The following ZNF804B variants were observed in gnomAD, a reference collection of about 807,000 sequenced individuals.
ZNF804B encodes the protein zinc finger protein 804B, also known as zinc finger 804B.
Under a neutral mutation model 101.4 loss-of-function variants are expected in ZNF804B, and 80 were observed. That is an observed-to-expected ratio of 0.79 (90% confidence interval 0.66 to 0.95). The LOEUF is 0.95. ZNF804B is among the 40% of genes least tolerant of loss of function. The probability of loss-of-function intolerance (pLI) is 0.00; values close to 1 mark genes in which losing one functional copy is unlikely to be tolerated. For synonymous variants in ZNF804B, 622 were observed against 558.8 expected (o/e 1.11, Z -1.59); for missense variants, 1,673 against 1,561.9 (o/e 1.07, Z -1.20).
At chr7:88,812,242 T>C (rs1408591895) in intron 1 of ZNF804B, among the ~76,000 whole-genome samples, 1 of 152,168 alleles carries the variant, frequency 6.6e-6, no homozygotes, top group East Asian at 1.9e-4. Context: ...CTTTATCCAG[T>C]CCAAAAGTCA....
At position 88,970,344 on chromosome 7, in the gene ZNF804B, GCCC is replaced by G. The variant is rs3034350; in HGVS notation, c.108+210268_108+210270del. Among the ~76,000 whole-genome samples the G allele has an allele frequency of 9.0e-5, 13 of 144,178 alleles. No individual in the cohort carries two copies. In the South Asian group the frequency reaches 1.1e-3, roughly 12 times the overall value. 94.6% of individuals were successfully genotyped at this position (144,178 alleles called of 152,430 possible). A position where few individuals can be genotyped will look rare whatever the true frequency, so the allele number is the denominator to read the frequency against. ...ACATGCATTAGCTATTTATTCTGAT[GCCC>G]CCCCCCCACCCCCACAACCCTCTAC... On this transcript the variant is annotated intron_variant, in intron 1 of 3. Coordinates refer to ENST00000333190, the MANE Select transcript of ZNF804B (RefSeq NM_181646.5).
chr7:89,214,562 A>G lies in ZNF804B; in HGVS notation c.109-3593A>G, dbSNP rs78162533. ...TACCTTCAGGCCTATTTTTTCAGTA[A>G]AAGTATCCTGTCATTCAACAAAAAG... On this transcript the variant is annotated intron_variant, in intron 1 of 3. Transcript: ENST00000333190. 8.1e-3 allele frequency among the ~76,000 whole-genome samples: 1,226 copies of G among 152,250 alleles called. 11 individuals carry two copies. The highest frequency in any genetic ancestry group is 0.027 in the African/African-American group (1,136 of 41,560).
intron 2 of ZNF804B, among the ~76,000 whole-genome samples, chr7:89,280,229 TACCA>T: frequency 6.6e-6 from 1 of 151,880 alleles, no homozygotes; most frequent in African/African-American, 2.4e-5. Flanking sequence ...AGACACAACA[TACCA>T]GAATCTCTGG....
chr7:88,874,228 A>C (rs1791886511), intron 1 of ZNF804B, among the ~76,000 whole-genome samples: 2 of 152,186 alleles, frequency 1.3e-5, no homozygotes, highest in South Asian at 4.1e-4. Context: ...TTCTCTTTGA[A>C]GCAATTGTGA....
rs560309438 is a variant in ZNF804B at position 89,051,564 on chromosome 7, C to T, written c.109-166591C>T. On this transcript the variant is annotated intron_variant, in intron 1 of 3. Transcript: ENST00000333190. Reference sequence around the variant, plus strand: ...AATACCAATTTTAATATATGCCAATCTGATAAGAAAAACATGATCTTCATG... The same window carrying T: ...AATACCAATTTTAATATATGCCAATTTGATAAGAAAAACATGATCTTCATG... 7.2e-5 allele frequency among the ~76,000 whole-genome samples: 11 copies of T among 152,200 alleles called. No homozygotes were observed. In the East Asian group the frequency reaches 1.9e-3, roughly 27 times the overall value.
intron 2 of ZNF804B, among the ~76,000 whole-genome samples, chr7:89,262,690 C>T (rs2115816968): frequency 6.6e-6 from 1 of 152,192 alleles, no homozygotes; most frequent in Non-Finnish European, 1.5e-5. Context: ...TATTTGTGTG[C>T]CCAATAGCTG....
chr7:89,310,853 C>T (rs1790641294), intron 2 of ZNF804B, among the ~76,000 whole-genome samples: 1 of 152,200 alleles, frequency 6.6e-6, no homozygotes, highest in African/African-American at 2.4e-5. Flanking sequence ...GAAGGAGCTG[C>T]ACAGCAGGGA....
intron 1 of ZNF804B, among the ~76,000 whole-genome samples, chr7:88,807,963 T>A (rs1790718289): frequency 6.6e-6 from 1 of 152,158 alleles, no homozygotes; most frequent in Non-Finnish European, 1.5e-5. Context: ...TTGTAAACTG[T>A]CTGGTTGCTG....
Position 89,218,278 on chromosome 7 carries a change from G to A in ZNF804B, c.232G>A (p.Asp78Asn), listed in dbSNP as rs1041546416. The A allele has an allele frequency of 1.2e-6, 2 of 1,613,560 alleles. No homozygotes were observed. The highest frequency in any genetic ancestry group is 1.7e-6 in the Non-Finnish European group (2 of 1,179,740). The change falls in exon 2 of 4, where the codon GAC becomes AAC. Residue 78 changes from aspartate (D) to asparagine (N), a missense_variant. By Grantham distance (23) the Asp-to-Asn change is conservative. Transcript: ENST00000333190. Reference sequence around the variant, plus strand: ...GTTTGACAATCATATTAATTCTTATGACCATGCTCATAAGCAGGTAAGGCA... The same window carrying A: ...GTTTGACAATCATATTAATTCTTATAACCATGCTCATAAGCAGGTAAGGCA... ...QEFDNHINSY[D>N]HAHKQRLKEL...
intron 1 of ZNF804B, among the ~76,000 whole-genome samples, chr7:88,927,633 GCTCTCT>G (rs148581670): frequency 6.7e-6 from 1 of 149,712 alleles, no homozygotes; most frequent in African/African-American, 2.4e-5. Context: ...TTTCTCTCTT[GCTCTCT>G]CTCTCTCTCT....
chr7:89,177,734 G>C (rs1198480496), intron 1 of ZNF804B, among the ~76,000 whole-genome samples: 1 of 151,996 alleles, frequency 6.6e-6, no homozygotes, highest in Non-Finnish European at 1.5e-5. Flanking sequence ...TTGTGTTGAG[G>C]TCTCTCTCTT....
At chr7:89,229,802 C>G (rs755289138) in intron 2 of ZNF804B, among the ~76,000 whole-genome samples, 32 of 152,122 alleles carry the variant, frequency 2.1e-4, no homozygotes, top group Non-Finnish European at 3.5e-4. Flanking sequence ...CCAAGAAAGA[C>G]TAAATTATGA....
rs542261050 is a variant in ZNF804B at position 89,149,260 on chromosome 7, G to A, written c.109-68895G>A. Among the ~76,000 whole-genome samples the A allele has an allele frequency of 3.3e-5, 5 of 152,114 alleles. No individual in the cohort carries two copies. The East Asian group carries it at 7.8e-4, about 24-fold the overall frequency. Reference sequence around the variant, plus strand: ...CTAGGAAAACAAGCACAAAAGAACAGAATTTGAGATGCCACTCATGAACTT... The same window carrying A: ...CTAGGAAAACAAGCACAAAAGAACAAAATTTGAGATGCCACTCATGAACTT... On this transcript the variant is annotated intron_variant, in intron 1 of 3. Coordinates refer to ENST00000333190, the MANE Select transcript of ZNF804B (RefSeq NM_181646.5).
chr7:88,866,102 T>C (rs891371887), intron 1 of ZNF804B, among the ~76,000 whole-genome samples: 5 of 152,188 alleles, frequency 3.3e-5, no homozygotes, highest in African/African-American at 1.2e-4. Context: ...ACTAATAGAA[T>C]AGGCGACTGA....
chr7:89,244,813 T>C (rs1420324569), intron 2 of ZNF804B, among the ~76,000 whole-genome samples: 1 of 152,134 alleles, frequency 6.6e-6, no homozygotes, highest in Non-Finnish European at 1.5e-5. Flanking sequence ...CCATCATCCA[T>C]AGTGCTAAGG....
intron 1 of ZNF804B, among the ~76,000 whole-genome samples, chr7:88,935,194 A>G (rs1584025688): frequency 6.6e-6 from 1 of 151,762 alleles, no homozygotes; most frequent in Non-Finnish European, 1.5e-5. Flanking sequence ...ACCAAATATC[A>G]TATGTTCTCA....
At chr7:88,878,482 G>T (rs865808469) in intron 1 of ZNF804B, among the ~76,000 whole-genome samples, 1 of 152,098 alleles carries the variant, frequency 6.6e-6, no homozygotes. Context: ...GATATAATAA[G>T]GGTGTCTGCC....
intron 1 of ZNF804B, among the ~76,000 whole-genome samples, chr7:88,935,185 C>T (rs1792948362): frequency 6.6e-6 from 1 of 151,356 alleles, no homozygotes; most frequent in African/African-American, 2.4e-5. Context: ...AAATGGAAAA[C>T]CAAATATCAT....
chr7:89,195,076 CA>C (rs1788525124), intron 1 of ZNF804B, among the ~76,000 whole-genome samples: 1 of 151,154 alleles, frequency 6.6e-6, no homozygotes, highest in Admixed American at 6.6e-5. Context: ...TAAACAGAAC[CA>C]AAGACAAAAA....
Sources: allele counts gnomAD v4.1 joint callset (sites outside exome capture counted in the v4.1 genomes callset), GRCh38; gene constraint gnomAD v4.1.1; transcripts MANE v1.5; gene names NCBI Gene and HGNC (gene_info 2026-07-23, HGNC 2026-07-21).